STXBP5: variants seen among roughly 807,000 people sequenced by gnomAD.
STXBP5 encodes syntaxin binding protein 5, also known as syntaxin-binding protein 5.
Under a neutral mutation model 152.4 loss-of-function variants are expected in STXBP5, and 50 were observed. The observed-to-expected ratio is 0.33, with a 90% CI of 0.26 to 0.42. The LOEUF (loss-of-function observed/expected upper bound fraction) is 0.42. STXBP5 is among the 10% of genes least tolerant of loss of function. The pLI is 1.00. For synonymous variants in STXBP5, 492 were observed against 494.7 expected (o/e 0.99, Z 0.07); for missense variants, 1,167 against 1,388.6 (o/e 0.84, Z 2.54).
At chr6:147,367,453 A>C (rs1785341593) in intron 25 of STXBP5, among the ~76,000 whole-genome samples, 3 of 152,056 alleles carry the variant, frequency 2.0e-5, no homozygotes, top group Non-Finnish European at 2.9e-5. Flanking sequence ...CCTGGCTAAC[A>C]CAGTGAAACC....
chr6:147,295,035 C>G (rs1234513088), intron 9 of STXBP5, among the ~76,000 whole-genome samples: 1 of 152,164 alleles, frequency 6.6e-6, no homozygotes, highest in Non-Finnish European at 1.5e-5. Flanking sequence ...ACCTCGCTGA[C>G]CTTTTTACCT....
chr6:147,359,270 T>C lies in STXBP5; in HGVS notation c.2492T>C (p.Leu831Pro). Reference sequence around the variant, plus strand: ...ACAGTGCTTGTCATTGCACTGAACCTTCCCCCAGGGGGAGAGCAAAGACTT... The same window carrying C: ...ACAGTGCTTGTCATTGCACTGAACCCTCCCCCAGGGGGAGAGCAAAGACTT... ...LGTVLVIALN[L>P]PPGGEQRLLQ... Residue 831 changes from leucine (L) to proline (P), a missense_variant, in exon 23 of 28, where the codon CTT (leucine) becomes CCT (proline). Physicochemically the swap from Leu to Pro is moderately conservative, Grantham distance 98. This residue lies in a region of STXBP5 where 833 missense variants were observed against 986.3 expected (regional missense o/e 0.84). Coordinates refer to ENST00000321680, the MANE Select transcript of STXBP5 (RefSeq NM_001127715.4). The C allele has an allele frequency of 6.2e-7, 1 of 1,614,034 alleles. No homozygotes were observed. The highest frequency in any genetic ancestry group is 8.5e-7 in the Non-Finnish European group (1 of 1,179,936).
intron 17 of STXBP5, 23 bp from the exon 18 acceptor site, chr6:147,327,102 G>A (rs773661050): frequency 1.2e-6 from 2 of 1,603,480 alleles, no homozygotes; most frequent in African/African-American, 2.7e-5. Context: ...GTGCTAAAAT[G>A]TTTGTTATTT....
intron 7 of STXBP5, among the ~76,000 whole-genome samples, chr6:147,277,476 T>G (rs542075679): frequency 1.2e-4 from 18 of 152,216 alleles, no homozygotes; most frequent in African/African-American, 4.3e-4. Context: ...GGTATCATAC[T>G]TTGGTGATAT....
Position 147,213,477 on chromosome 6 carries a change from T to TGCGCGCGCGCGCGC in STXBP5, c.248+7417_248+7418insGCGCGCGCGCGCGC, listed in dbSNP as rs1554282764. On this transcript the variant is annotated intron_variant, in intron 2 of 27. Coordinates refer to ENST00000321680, the MANE Select transcript of STXBP5 (RefSeq NM_001127715.4). ...GTGTGTGTGTGTGTGTGTGTGTGTG[T>TGCGCGCGCGCGCGC]GCGCGCGCATATATATATTTTTTCT... 1.3e-3 allele frequency among the ~76,000 whole-genome samples: 165 copies of TGCGCGCGCGCGCGC among 131,304 alleles called. 1 individual carries two copies. The highest frequency in any genetic ancestry group is 5.1e-3 in the African/African-American group (160 of 31,346). The allele number at this position is 131,304 out of a possible 152,430, so 86.1% of individuals were successfully genotyped here.
At chr6:147,263,608 A>G (rs1779749642) in intron 6 of STXBP5, among the ~76,000 whole-genome samples, 1 of 152,004 alleles carries the variant, frequency 6.6e-6, no homozygotes, top group African/African-American at 2.4e-5. Flanking sequence ...CTTATTTTTC[A>G]GGATATCTTT....
At chr6:147,313,720 C>T (rs1047073372) in intron 11 of STXBP5, among the ~76,000 whole-genome samples, 164 bp from the exon 12 acceptor site, 2 of 152,014 alleles carry the variant, frequency 1.3e-5, no homozygotes, top group Admixed American at 6.6e-5. Context: ...TCTAATTGAG[C>T]AATTTTCATT....
intron 2 of STXBP5, among the ~76,000 whole-genome samples, chr6:147,229,261 G>C (rs1282167101): frequency 2.0e-5 from 3 of 151,884 alleles, no homozygotes; most frequent in African/African-American, 7.2e-5. Context: ...AATAATTCTA[G>C]TGTTTGCTTG....
intron 2 of STXBP5, among the ~76,000 whole-genome samples, chr6:147,215,436 A>G (rs1445278336): frequency 6.6e-6 from 1 of 152,112 alleles, no homozygotes; most frequent in Non-Finnish European, 1.5e-5. Flanking sequence ...GGTGGAGTAT[A>G]GTGGTGCTAT....
chr6:147,375,119 A>C (rs1246518142), intron 26 of STXBP5, among the ~76,000 whole-genome samples: 1 of 152,184 alleles, frequency 6.6e-6, no homozygotes. Flanking sequence ...GTCATAGATA[A>C]CCAGGAACAT....
At chr6:147,279,974 T>C (rs1445064201) in intron 8 of STXBP5, among the ~76,000 whole-genome samples, 1 of 152,156 alleles carries the variant, frequency 6.6e-6, no homozygotes, top group East Asian at 1.9e-4. Flanking sequence ...TATCTTGTTT[T>C]GTAAGAATAG....
In STXBP5 at chr6:147,344,603, T is replaced by C. The variant is rs376015059; in HGVS notation, c.2254+5219T>C. On this transcript the variant is annotated intron_variant, in intron 21 of 27. Coordinates refer to ENST00000321680, the MANE Select transcript of STXBP5 (RefSeq NM_001127715.4). ...CATTGTATGCCCACATGGGTTTCTG[T>C]GCAGAGTACAACCCTGGTATCTGTG... Among the ~76,000 whole-genome samples the C allele has an allele frequency of 3.7e-4, 56 of 152,318 alleles. 1 individual carries two copies. The East Asian group carries it at 9.9e-3, about 27-fold the overall frequency.
At chr6:147,284,043 T>C (rs956544439) in intron 8 of STXBP5, among the ~76,000 whole-genome samples, 1 of 152,216 alleles carries the variant, frequency 6.6e-6, no homozygotes, top group Non-Finnish European at 1.5e-5. Flanking sequence ...AACATATTCT[T>C]TAATCCCAAA....
chr6:147,274,254 A>G (rs1307356141), intron 7 of STXBP5, among the ~76,000 whole-genome samples: 2 of 152,134 alleles, frequency 1.3e-5, no homozygotes, highest in African/African-American at 4.8e-5. Context: ...TTATGCATTC[A>G]TTCATTCATT....
At chr6:147,278,000 G>A in intron 7 of STXBP5, 81 bp from the exon 8 acceptor site, 2 of 1,272,436 alleles carry the variant, frequency 1.6e-6, no homozygotes, top group Non-Finnish European at 2.1e-6. Flanking sequence ...AGTTAAAAAT[G>A]AAAATTAATA....
In STXBP5 at chr6:147,359,412, G is replaced by A. The variant is rs140384156; in HGVS notation, c.2545+89G>A. 1.0e-5 allele frequency: 15 copies of A among 1,478,890 alleles called. No individual in the cohort carries two copies. In the African/African-American group the frequency reaches 2.0e-4, roughly 19 times the overall value. 91.6% of individuals were successfully genotyped at this position (1,478,890 alleles called of 1,614,324 possible). A position where few individuals can be genotyped will look rare whatever the true frequency, so the allele number is the denominator to read the frequency against. On this transcript the variant is annotated intron_variant, in intron 23 of 27. Transcript: ENST00000321680. ...GTTTTTCATTCTTGAATTGATCTAA[G>A]AATTCCAAAATGTAAAGTAAATGGG...
At chr6:147,276,672 A>G (rs1223730078) in intron 7 of STXBP5, among the ~76,000 whole-genome samples, 1 of 152,134 alleles carries the variant, frequency 6.6e-6, no homozygotes, top group Admixed American at 6.5e-5. Flanking sequence ...AAATAAGTTT[A>G]CTTGTAAAGG....
chr6:147,312,549 C>T (rs1226156779), intron 11 of STXBP5, among the ~76,000 whole-genome samples: 1 of 152,116 alleles, frequency 6.6e-6, no homozygotes, highest in Non-Finnish European at 1.5e-5. Flanking sequence ...GGTGTTGCGA[C>T]TGGCATCTAG....
At chr6:147,374,540 G>A (rs1190873040) in intron 26 of STXBP5, among the ~76,000 whole-genome samples, 1 of 152,192 alleles carries the variant, frequency 6.6e-6, no homozygotes, top group African/African-American at 2.4e-5. Flanking sequence ...GTTCAAGTCA[G>A]TGGGGACTGA....
Sources: gnomAD v4.1 joint callset for allele counts (sites outside exome capture counted in the v4.1 genomes callset) on GRCh38, gnomAD v4.1.1 for gene constraint, gnomAD v4.1.1 regional missense constraint, MANE v1.5 for transcripts, NCBI Gene and HGNC (gene_info 2026-07-23, HGNC 2026-07-21) for gene names.